EBF1: variants seen among roughly 807,000 people sequenced by gnomAD.
The protein encoded by EBF1 is EBF transcription factor 1, also known as transcription factor COE1.
In EBF1, 10 loss-of-function variants were observed where a neutral mutation model predicts 68.4. That is an observed-to-expected ratio of 0.15 (90% CI 0.09 to 0.25). The LOEUF is 0.25. EBF1 is among the 10% of genes least tolerant of loss of function. EBF1 has a pLI of 1.00. For synonymous variants in EBF1, 298 were observed against 299.8 expected (o/e 0.99, Z 0.06); for missense variants, 509 against 794.4 (o/e 0.64, Z 4.32).
At chr5:159,079,322 G>A (rs925915343) in intron 5 of EBF1, among the ~76,000 whole-genome samples, 6 of 152,086 alleles carry the variant, frequency 3.9e-5, no homozygotes, top group African/African-American at 1.4e-4. Flanking sequence ...CCTTCAGTTT[G>A]CAAACATTAT....
At chr5:159,022,400 A>G (rs1192943581) in intron 6 of EBF1, among the ~76,000 whole-genome samples, 1 of 152,240 alleles carries the variant, frequency 6.6e-6, no homozygotes, top group Non-Finnish European at 1.5e-5. Flanking sequence ...GAGGAAAGTC[A>G]GGCCTCGGGG....
intron 4 of EBF1, among the ~76,000 whole-genome samples, chr5:159,094,351 C>G (rs562804055): frequency 1.6e-5 from 2 of 127,672 alleles, no homozygotes; most frequent in Admixed American, 7.4e-5. Context: ...AGGCAAATAA[C>G]ATGAAATATA....
chr5:158,801,644 A>T (rs969389403), intron 8 of EBF1, among the ~76,000 whole-genome samples: 2 of 151,366 alleles, frequency 1.3e-5, no homozygotes, highest in African/African-American at 4.9e-5. Context: ...GGTCATGGTG[A>T]GAAGGAAAAG....
intron 8 of EBF1, among the ~76,000 whole-genome samples, chr5:158,802,338 A>G (rs1364667183): frequency 6.6e-6 from 1 of 152,210 alleles, no homozygotes; most frequent in African/African-American, 2.4e-5. Flanking sequence ...ATCTAAATAC[A>G]CTGGAGAAAC....
chr5:158,975,475 A>G (rs1756550819), intron 6 of EBF1, among the ~76,000 whole-genome samples: 1 of 152,194 alleles, frequency 6.6e-6, no homozygotes, highest in African/African-American at 2.4e-5. Context: ...AACTTTTTTA[A>G]ACGAAAGAGT....
chr5:159,002,157 CTTT>C (rs201178368), intron 6 of EBF1, among the ~76,000 whole-genome samples: 3 of 133,680 alleles, frequency 2.2e-5, no homozygotes, highest in African/African-American at 8.2e-5. Context: ...TCCCCCAAGC[CTTT>C]TTTTTTTTTT....
chr5:159,086,444 T>C (rs1324875202), intron 4 of EBF1, among the ~76,000 whole-genome samples: 1 of 152,212 alleles, frequency 6.6e-6, no homozygotes, highest in Non-Finnish European at 1.5e-5. Flanking sequence ...CATCCAGTTA[T>C]CACGTCTCCT....
At chr5:158,772,890 TCCTAAAAACAA>T (rs1774172086) in intron 10 of EBF1, among the ~76,000 whole-genome samples, 2 of 152,140 alleles carry the variant, frequency 1.3e-5, no homozygotes, top group East Asian at 3.9e-4. Flanking sequence ...GTTTCCCTGA[TCCTAAAAACAA>T]CCCCAGCAAG....
At chr5:158,938,634 G>A (rs1281360824) in intron 6 of EBF1, among the ~76,000 whole-genome samples, 1 of 152,228 alleles carries the variant, frequency 6.6e-6, no homozygotes, top group Non-Finnish European at 1.5e-5. Flanking sequence ...GTCTGCAGAG[G>A]GCTGCCTTCT....
chr5:158,998,552 C>G (rs1036705903), intron 6 of EBF1, among the ~76,000 whole-genome samples: 1 of 152,200 alleles, frequency 6.6e-6, no homozygotes, highest in African/African-American at 2.4e-5. Context: ...AATGAATGCA[C>G]TAAGTGTCTG....
intron 3 of EBF1, 104 bp from the exon 4 acceptor site, chr5:159,095,779 C>T (rs1006318984): frequency 2.5e-6 from 3 of 1,218,414 alleles, no homozygotes; most frequent in Non-Finnish European, 2.4e-6. Context: ...AACCCCCACA[C>T]ACATATCACG....
chr5:158,935,276 C>G (rs527638428), intron 6 of EBF1, among the ~76,000 whole-genome samples: 1 of 152,176 alleles, frequency 6.6e-6, no homozygotes, highest in Non-Finnish European at 1.5e-5. Flanking sequence ...GGCTGTGTTC[C>G]GAGGGCACAG....
intron 6 of EBF1, among the ~76,000 whole-genome samples, chr5:158,969,653 T>A (rs940209278): frequency 6.7e-6 from 1 of 149,598 alleles, no homozygotes; most frequent in Non-Finnish European, 1.5e-5. Flanking sequence ...CAGGCACCTG[T>A]AGTCCCAGCT....
chr5:158,911,692 T>C (rs1806008856), intron 6 of EBF1, among the ~76,000 whole-genome samples: 1 of 152,220 alleles, frequency 6.6e-6, no homozygotes, highest in South Asian at 2.1e-4. Context: ...CACCTTGCCC[T>C]GGAATGGGAT....
rs1562086616 is a variant in EBF1, at chr5:158,840,672, T to G, written c.555-562A>C. ...TTTTTTTTTTTTTTTTTTTTTTTTT[T>G]GTTTTTTTTTTTTTTTTGAGACGGA... On this transcript the variant is annotated intron_variant, in intron 6 of 15. Coordinates refer to ENST00000313708, the MANE Select transcript of EBF1 (RefSeq NM_024007.5). Among the ~76,000 whole-genome samples, 668 of 78,456 alleles carry G rather than the reference T, an allele frequency of 8.5e-3. 13 individuals carry two copies. The highest frequency in any genetic ancestry group is 0.028 in the African/African-American group (574 of 20,384). 51.5% of individuals were successfully genotyped at this position (78,456 alleles called of 152,430 possible).
intron 6 of EBF1, among the ~76,000 whole-genome samples, chr5:158,864,223 CAAAAAAAA>C (rs34498854): frequency 2.4e-4 from 14 of 58,614 alleles, no homozygotes; most frequent in East Asian, 5.1e-4. Flanking sequence ...GACTCTGTCT[CAAAAAAAA>C]AAAAAAAAAA....
At chr5:158,867,273 G>T (rs1159854457) in intron 6 of EBF1, among the ~76,000 whole-genome samples, 2 of 152,070 alleles carry the variant, frequency 1.3e-5, no homozygotes, top group Non-Finnish European at 1.5e-5. Context: ...GGTGGTTGTT[G>T]GGTGTTGGGT....
chr5:158,925,908 C>G (rs1461453517), intron 6 of EBF1, among the ~76,000 whole-genome samples: 2 of 152,170 alleles, frequency 1.3e-5, no homozygotes, highest in African/African-American at 4.8e-5. Flanking sequence ...AGAACAGAAA[C>G]AGTCCACAAT....
intron 6 of EBF1, among the ~76,000 whole-genome samples, chr5:158,924,134 C>A (rs954014966): frequency 2.0e-5 from 3 of 152,220 alleles, no homozygotes; most frequent in African/African-American, 7.2e-5. Context: ...CACCCTGGGG[C>A]TCAGGCAGCC....
Sources: gnomAD v4.1 joint callset for allele counts (sites outside exome capture counted in the v4.1 genomes callset) on GRCh38, gnomAD v4.1.1 for gene constraint, MANE v1.5 for transcripts, NCBI Gene and HGNC (gene_info 2026-07-23, HGNC 2026-07-21) for gene names.